FGF12: variants seen among roughly 807,000 people sequenced by gnomAD.
FGF12 encodes the protein fibroblast growth factor 12B.
Under a neutral mutation model 23.6 loss-of-function variants are expected in FGF12, and 14 were observed. The observed-to-expected ratio is 0.59, with a 90% CI of 0.39 to 0.93. The LOEUF is 0.93. Ranked by LOEUF, FGF12 falls within the 40% of genes least tolerant of loss-of-function variation. FGF12 has a pLI of 0.00. For synonymous variants in FGF12, 62 were observed against 77.3 expected (o/e 0.80, Z 1.04); for missense variants, 175 against 217.8 (o/e 0.80, Z 1.24).
chr3:192,487,590 A>G (rs2108823640), intron 2 of FGF12, among the ~76,000 whole-genome samples: 1 of 152,194 alleles, frequency 6.6e-6, no homozygotes. Flanking sequence ...GGACCCTTTG[A>G]GGGGCAGGGT....
At chr3:192,279,837 G>A (rs774057019) in intron 4 of FGF12, among the ~76,000 whole-genome samples, 3 of 152,208 alleles carry the variant, frequency 2.0e-5, no homozygotes, top group Non-Finnish European at 2.9e-5. Flanking sequence ...ATGGACTAGA[G>A]AGTCTCCAGG....
chr3:192,318,196 T>C (rs1031039349), intron 4 of FGF12, among the ~76,000 whole-genome samples: 14 of 152,190 alleles, frequency 9.2e-5, no homozygotes, highest in Admixed American at 2.0e-4. Context: ...CAGACACTGA[T>C]GAACAGCCGC....
Position 192,360,390 on chromosome 3 carries a change from G to T in FGF12, c.124+38C>A. 1 of 1,409,264 alleles carries T rather than the reference G, an allele frequency of 7.1e-7. No homozygotes were observed. The highest frequency in any genetic ancestry group is 1.0e-6 in the Non-Finnish European group (1 of 993,952). The allele number at this position is 1,409,264 out of a possible 1,614,324, so 87.3% of individuals were successfully genotyped here. On this transcript the variant is annotated intron_variant, in intron 3 of 5. Transcript: ENST00000445105. This position sits in a 1 kb window ranked among gnomAD's most constrained non-coding sequence, Gnocchi z 4.3. Reference sequence around the variant, plus strand: ...ATAAGATACACTGGGCCCTACATTTGATTTGTAATCAGATTGTAAGAAGCT... The same window carrying T: ...ATAAGATACACTGGGCCCTACATTTTATTTGTAATCAGATTGTAAGAAGCT...
Position 192,169,951 on chromosome 3 carries a change from C to T in FGF12, c.427+507G>A, listed in dbSNP as rs747893248. On this transcript the variant is annotated intron_variant, in intron 5 of 5. Coordinates refer to ENST00000445105, the MANE Select transcript of FGF12 (RefSeq NM_004113.6). ...CACCTGAGAAGGATACAGTGCAATA[C>T]GGTAAATATAAAAGTATCATTTGTT... Among the ~76,000 whole-genome samples the T allele has an allele frequency of 5.4e-5, 8 of 148,780 alleles. No homozygotes were observed. In the South Asian group the frequency reaches 1.1e-3, roughly 20 times the overall value.
chr3:192,623,986 T>C (rs1715066717), intron 2 of FGF12, among the ~76,000 whole-genome samples: 1 of 152,216 alleles, frequency 6.6e-6, no homozygotes, highest in Admixed American at 6.5e-5. Flanking sequence ...TCACAGGATG[T>C]GACAGAAGGT....
At chr3:192,599,110 G>A (rs1003270992) in intron 2 of FGF12, among the ~76,000 whole-genome samples, 5 of 152,012 alleles carry the variant, frequency 3.3e-5, no homozygotes, top group Admixed American at 6.6e-5. Context: ...GGAGCCTGTA[G>A]GGGGTGGGGG....
intron 4 of FGF12, among the ~76,000 whole-genome samples, chr3:192,218,821 AAACTTCAT>A (rs1718328216): frequency 6.6e-6 from 1 of 152,216 alleles, no homozygotes; most frequent in Non-Finnish European, 1.5e-5. Flanking sequence ...GGACAATATC[AAACTTCAT>A]AATTTCCATT....
chr3:192,633,195 A>G (rs9881988), intron 2 of FGF12, among the ~76,000 whole-genome samples: 60,211 of 151,768 alleles, frequency 0.4, 13,357 homozygotes, highest in East Asian at 0.52. Flanking sequence ...ACAGGTGCAC[A>G]TGACCATGCC....
intron 2 of FGF12, among the ~76,000 whole-genome samples, chr3:192,480,909 G>A (rs1439526754): frequency 6.6e-6 from 1 of 152,032 alleles, no homozygotes; most frequent in Non-Finnish European, 1.5e-5. Flanking sequence ...TGCATGCTGA[G>A]CTAACACAGA....
At chr3:192,202,744 G>A (rs1162238061) in intron 4 of FGF12, among the ~76,000 whole-genome samples, 1 of 152,068 alleles carries the variant, frequency 6.6e-6, no homozygotes, top group Non-Finnish European at 1.5e-5. Context: ...AGAAAGTTGA[G>A]GATACCAGTA....
intron 2 of FGF12, among the ~76,000 whole-genome samples, chr3:192,610,107 C>T (rs1166306140): frequency 1.3e-5 from 2 of 151,970 alleles, no homozygotes; most frequent in Non-Finnish European, 2.9e-5. Flanking sequence ...ACTTTTCAGT[C>T]TTTGAACATT....
chr3:192,491,992 T>C lies in FGF12; in HGVS notation c.14-131454A>G, dbSNP rs116593061. Among the ~76,000 whole-genome samples, 632 of 152,240 alleles carry C rather than the reference T, an allele frequency of 4.2e-3. 8 individuals are homozygous for C. The highest frequency in any genetic ancestry group is 0.015 in the African/African-American group (607 of 41,554). ...ACAAGACAGATTGCTCCCATCACCA[T>C]TGGGATCAAAACAGGAGTGTCATTC... On this transcript the variant is annotated intron_variant, in intron 2 of 5. Transcript: ENST00000445105.
intron 2 of FGF12, among the ~76,000 whole-genome samples, chr3:192,623,027 T>C (rs1715032150): frequency 6.6e-6 from 1 of 152,208 alleles, no homozygotes; most frequent in Non-Finnish European, 1.5e-5. Flanking sequence ...TCTGTTTACG[T>C]TGGGATAATC....
chr3:192,597,670 G>A (rs2134634), intron 2 of FGF12, among the ~76,000 whole-genome samples: 50,137 of 152,072 alleles, frequency 0.33, 8,575 homozygotes, highest in African/African-American at 0.41. Flanking sequence ...GAGAAGAAAA[G>A]TCGGAGAAAC....
At chr3:192,678,996 G>T (rs73887672) in intron 2 of FGF12, among the ~76,000 whole-genome samples, 1 of 152,016 alleles carries the variant, frequency 6.6e-6, no homozygotes, top group African/African-American at 2.4e-5. Flanking sequence ...TCATTCTTAA[G>T]TAGTTCCCTG....
chr3:192,253,838 T>G (rs1712197819), intron 4 of FGF12, among the ~76,000 whole-genome samples: 1 of 152,076 alleles, frequency 6.6e-6, no homozygotes, highest in South Asian at 2.1e-4. Flanking sequence ...GATTTGTCAT[T>G]CATTTATAAC....
At chr3:192,194,093 G>C (rs1577222931) in intron 4 of FGF12, among the ~76,000 whole-genome samples, 1 of 152,182 alleles carries the variant, frequency 6.6e-6, no homozygotes, top group South Asian at 2.1e-4. Context: ...GGTTTTAAAT[G>C]TAGGCACATA....
intron 2 of FGF12, among the ~76,000 whole-genome samples, chr3:192,451,023 T>C (rs1435159524): frequency 1.3e-5 from 2 of 152,224 alleles, no homozygotes; most frequent in South Asian, 2.1e-4. Flanking sequence ...GGAAGCCTCA[T>C]AGAATGATCT....
intron 5 of FGF12, among the ~76,000 whole-genome samples, chr3:192,146,105 G>A (rs1237573153): frequency 6.6e-6 from 1 of 152,100 alleles, no homozygotes; most frequent in Admixed American, 6.5e-5. Context: ...CTAATCAGCT[G>A]TGAAAACTTA....
Sources: gnomAD v4.1 joint callset for allele counts (sites outside exome capture counted in the v4.1 genomes callset) on GRCh38, gnomAD v4.1.1 for gene constraint, Gnocchi (gnomAD v3.1) non-coding constraint, MANE v1.5 for transcripts, NCBI Gene and HGNC (gene_info 2026-07-23, HGNC 2026-07-21) for gene names.